CDK8: variants seen among roughly 807,000 people sequenced by gnomAD.
The protein encoded by CDK8 is cyclin dependent kinase 8, also known as cyclin-dependent kinase 8.
Under a neutral mutation model 71.5 loss-of-function variants are expected in CDK8, and 29 were observed. That is an observed-to-expected ratio of 0.41 (90% CI 0.30 to 0.55). The LOEUF is 0.55. CDK8 is among the 20% of genes least tolerant of loss of function. The pLI is 0.37. For missense variants in CDK8, 288 were observed against 572.6 expected, an observed-to-expected ratio of 0.50 and a Z score of 5.07; for synonymous variants, 161 against 192.1, an observed-to-expected ratio of 0.84 and a Z score of 1.34.
chr13:26,353,721 A>ATTTT lies in CDK8; in HGVS notation c.316-15_316-12dup. ...TTCCTTTTTTTAAGCTTCTGTTGAT[A>ATTTT]TTTTTTTCTTTCTTTCAGCATATAA... On this transcript the variant is annotated intron_variant, in intron 3 of 12. Coordinates refer to ENST00000381527, the MANE Select transcript of CDK8 (RefSeq NM_001260.3). 1 of 1,578,054 alleles carries ATTTT rather than the reference A, an allele frequency of 6.3e-7. No individual in the cohort carries two copies. The highest frequency in any genetic ancestry group is 1.4e-5 in the African/African-American group (1 of 73,560).
chr13:26,261,483 G>A (rs1209478594), intron 1 of CDK8, among the ~76,000 whole-genome samples: 9 of 152,080 alleles, frequency 5.9e-5, no homozygotes, highest in Admixed American at 3.3e-4. Flanking sequence ...CTCCCCAGCC[G>A]TTGACAAGCA....
At chr13:26,276,501 T>C (rs9512176) in intron 1 of CDK8, among the ~76,000 whole-genome samples, 8,158 of 152,290 alleles carry the variant, frequency 0.054, 265 homozygotes, top group South Asian at 0.07. Flanking sequence ...CATAAGGCAA[T>C]GGATGCAAAA....
At chr13:26,326,523 T>C (rs1371735018) in intron 1 of CDK8, among the ~76,000 whole-genome samples, 1 of 152,202 alleles carries the variant, frequency 6.6e-6, no homozygotes, top group Non-Finnish European at 1.5e-5. Context: ...CTTTGTTCCA[T>C]GGGTCCTGAG....
chr13:26,360,853 A>G (rs937920217), intron 4 of CDK8, among the ~76,000 whole-genome samples: 6 of 152,176 alleles, frequency 3.9e-5, no homozygotes, highest in Admixed American at 3.3e-4. Flanking sequence ...GATTTACTGC[A>G]GTGAAGTGGT....
intron 9 of CDK8, among the ~76,000 whole-genome samples, chr13:26,399,791 A>G (rs1174613980): frequency 6.6e-6 from 1 of 152,260 alleles, no homozygotes; most frequent in African/African-American, 2.4e-5. Context: ...AAAAATATTA[A>G]GGTAACTTAT....
chr13:26,385,861 A>G (rs1018808620), intron 6 of CDK8, among the ~76,000 whole-genome samples: 1 of 152,224 alleles, frequency 6.6e-6, no homozygotes, highest in African/African-American at 2.4e-5. Flanking sequence ...ATAGAAAGAT[A>G]TCAAAAATCT....
At chr13:26,355,505 C>T (rs1438555924) in intron 4 of CDK8, among the ~76,000 whole-genome samples, 1 of 152,146 alleles carries the variant, frequency 6.6e-6, no homozygotes, top group African/African-American at 2.4e-5. Flanking sequence ...ATCCCAGCTA[C>T]TCGGGAGGCT....
intron 4 of CDK8, among the ~76,000 whole-genome samples, chr13:26,372,696 T>G (rs1295254403): frequency 2.0e-5 from 3 of 152,162 alleles, no homozygotes; most frequent in Non-Finnish European, 1.5e-5. Flanking sequence ...CCAGCTCTGC[T>G]ACTGATGAGC....
intron 1 of CDK8, among the ~76,000 whole-genome samples, chr13:26,276,554 T>G (rs9581614): frequency 0.11 from 16,474 of 152,254 alleles, 2,641 homozygotes; most frequent in African/African-American, 0.35. Flanking sequence ...TTACATGTAC[T>G]TTAATATATT....
intron 6 of CDK8, among the ~76,000 whole-genome samples, chr13:26,385,692 G>T (rs1045851608): frequency 6.6e-6 from 1 of 151,998 alleles, no homozygotes; most frequent in Non-Finnish European, 1.5e-5. Flanking sequence ...AGTCATGATC[G>T]CACCACTCTA....
At chr13:26,258,940 C>T (rs1421676408) in intron 1 of CDK8, among the ~76,000 whole-genome samples, 4 of 152,136 alleles carry the variant, frequency 2.6e-5, no homozygotes, top group African/African-American at 9.7e-5. Flanking sequence ...CTGTATTTAT[C>T]TCTTAAGATA....
intron 1 of CDK8, among the ~76,000 whole-genome samples, chr13:26,331,926 A>C (rs967512828): frequency 6.6e-6 from 1 of 152,040 alleles, no homozygotes; most frequent in Non-Finnish European, 1.5e-5. Context: ...AACAATATTG[A>C]TTCTTCTGAT....
chr13:26,288,043 A>G (rs1873105630), intron 1 of CDK8, among the ~76,000 whole-genome samples: 1 of 150,930 alleles, frequency 6.6e-6, no homozygotes, highest in East Asian at 2.0e-4. Context: ...GCTCACTGCA[A>G]CCTCTCCCTC....
At chr13:26,276,063 A>T (rs1283690405) in intron 1 of CDK8, among the ~76,000 whole-genome samples, 1 of 151,726 alleles carries the variant, frequency 6.6e-6, no homozygotes, top group Non-Finnish European at 1.5e-5. Flanking sequence ...GGGTTTCACC[A>T]TGTTGGCTAG....
At chr13:26,395,830 G>A (rs1015444387) in intron 7 of CDK8, among the ~76,000 whole-genome samples, 1 of 152,058 alleles carries the variant, frequency 6.6e-6, no homozygotes, top group African/African-American at 2.4e-5. Flanking sequence ...TGAAAGGAGG[G>A]CTGTATCATA....
intron 3 of CDK8, among the ~76,000 whole-genome samples, chr13:26,351,736 A>G (rs907996967): frequency 6.6e-6 from 1 of 152,154 alleles, no homozygotes; most frequent in African/African-American, 2.4e-5. Flanking sequence ...AATATTTTTA[A>G]TGTTCATTTT....
chr13:26,276,101 T>G (rs1471559799), intron 1 of CDK8, among the ~76,000 whole-genome samples: 3 of 152,216 alleles, frequency 2.0e-5, no homozygotes, highest in Non-Finnish European at 4.4e-5. Context: ...GACCTCGTGA[T>G]CTGCCTGCCT....
chr13:26,296,376 T>G (rs1014174469), intron 1 of CDK8, among the ~76,000 whole-genome samples: 2 of 152,224 alleles, frequency 1.3e-5, no homozygotes, highest in Non-Finnish European at 2.9e-5. Flanking sequence ...CTTGCTATTC[T>G]CTAAGCTTTA....
chr13:26,318,049 A>G (rs1180698854), intron 1 of CDK8, among the ~76,000 whole-genome samples: 1 of 152,120 alleles, frequency 6.6e-6, no homozygotes, highest in Non-Finnish European at 1.5e-5. Flanking sequence ...GGACTAAGAA[A>G]AAAAAAAGAG....
Sources: allele counts gnomAD v4.1 joint callset (sites outside exome capture counted in the v4.1 genomes callset), GRCh38; gene constraint gnomAD v4.1.1; transcripts MANE v1.5; gene names NCBI Gene and HGNC (gene_info 2026-07-23, HGNC 2026-07-21).